The following MEGF6 variants were observed in gnomAD, a reference collection of about 807,000 sequenced individuals.
MEGF6 encodes multiple epidermal growth factor-like domains protein 6.
In MEGF6, 184 loss-of-function variants were observed where a neutral mutation model predicts 207.1. The observed-to-expected ratio is 0.89, with a 90% CI of 0.79 to 1.00. The LOEUF is 1.00. Among genes scored for constraint, MEGF6 ranks in the 50% least tolerant of loss-of-function variants. The pLI is 0.00. For synonymous variants in MEGF6, 1,038 were observed against 910.0 expected (o/e 1.14, Z -2.53); for missense variants, 2,282 against 2,202.9 (o/e 1.04, Z -0.72).
At chr1:3,577,307 G>T (rs1022011781) in intron 4 of MEGF6, among the ~76,000 whole-genome samples, 26 of 152,232 alleles carry the variant, frequency 1.7e-4, no homozygotes, top group African/African-American at 6.3e-4. Flanking sequence ...CTGCCCTGCA[G>T]GGGACCCTGC....
intron 4 of MEGF6, among the ~76,000 whole-genome samples, chr1:3,548,754 G>C (rs2101574186): frequency 6.6e-6 from 1 of 152,256 alleles, no homozygotes; most frequent in South Asian, 2.1e-4. Flanking sequence ...CCCAGGCCTG[G>C]AACACAGCTG....
At chr1:3,511,254 C>A (rs1641335187) in intron 9 of MEGF6, among the ~76,000 whole-genome samples, 1 of 152,202 alleles carries the variant, frequency 6.6e-6, no homozygotes, top group Non-Finnish European at 1.5e-5. Context: ...ACTTCCAGGA[C>A]ACTGGGTCCT....
chr1:3,503,835 C>T (rs1640999041), intron 17 of MEGF6, among the ~76,000 whole-genome samples: 1 of 152,014 alleles, frequency 6.6e-6, no homozygotes, highest in Non-Finnish European at 1.5e-5. Context: ...CTGATGAAGC[C>T]CTAGGGCTTG....
At chr1:3,618,667 A>T in the MEGF6 span, among the ~76,000 whole-genome samples, 1 of 152,124 alleles carries the variant, frequency 6.6e-6, no homozygotes, top group Non-Finnish European at 1.5e-5. This position sits in a 1 kb window ranked among gnomAD's most constrained non-coding sequence, Gnocchi z 4.7. Context: ...TGACTTGCCA[A>T]AGAGTAAGGG....
chr1:3,577,040 C>T (rs1028929441), intron 4 of MEGF6, among the ~76,000 whole-genome samples: 1 of 151,392 alleles, frequency 6.6e-6, no homozygotes, highest in Non-Finnish European at 1.5e-5. Context: ...CCCCTGCACA[C>T]CTGGCCCTGC....
At chr1:3,616,152 G>T (rs934592315), upstream of MEGF6, among the ~76,000 whole-genome samples, 1 of 152,132 alleles carries the variant, frequency 6.6e-6, no homozygotes, top group Non-Finnish European at 1.5e-5. Flanking sequence ...TCCGGTCCGC[G>T]GGCTGGCGGT....
At chr1:3,521,211 G>A (rs1427929579) in intron 5 of MEGF6, among the ~76,000 whole-genome samples, 1 of 152,186 alleles carries the variant, frequency 6.6e-6, no homozygotes, top group East Asian at 1.9e-4. Context: ...GCCCATGGGG[G>A]TGGGAGAGGC....
intron 4 of MEGF6, among the ~76,000 whole-genome samples, chr1:3,538,546 C>T (rs1447629061): frequency 1.3e-5 from 2 of 152,206 alleles, no homozygotes; most frequent in Non-Finnish European, 2.9e-5. Context: ...GCCCCCTTCT[C>T]TTGTACACAC....
rs752030669 is a variant in MEGF6 at position 3,560,645 on chromosome 1, T to C, written c.481+19180A>G. 9.1e-6 allele frequency: 4 copies of C among 439,250 alleles called. No individual in the cohort carries two copies. Among genetic ancestry groups the C allele is most frequent in the African/African-American group, 2.1e-5 (1 of 48,606 alleles). 27.2% of individuals were successfully genotyped at this position (439,250 alleles called of 1,614,324 possible). The stretch of plus-strand genomic sequence containing the variant: ...AAAGGCTCTGGGGATCCGGGGTCCC[T>C]TCCCAGGCTTGGGGGAGGCTGGGTG... On this transcript the variant is annotated intron_variant, in intron 4 of 36. Coordinates refer to ENST00000356575, the MANE Select transcript of MEGF6 (RefSeq NM_001409.4). This position sits in a 1 kb window ranked among gnomAD's most constrained non-coding sequence, Gnocchi z 4.0.
chr1:3,501,236 T>A lies in MEGF6; in HGVS notation c.2387A>T (p.Asp796Val), dbSNP rs770200584. The A allele has an allele frequency of 6.8e-5, 110 of 1,611,092 alleles. 1 individual carries two copies. Among genetic ancestry groups the A allele is most frequent in the Non-Finnish European group, 8.9e-5 (105 of 1,179,438 alleles). ...GCACAGGCAGGCTCCGGTCTCAGGG[T>A]CGCAGCGGGCAGCGTGCTGGCATGC... is the stretch of plus-strand genomic sequence containing the variant. ...CPACQHAARC[D>V]PETGACLCLP... Residue 796 changes from aspartate to valine, a missense_variant, in exon 19 of 37, where the codon GAC (aspartate) becomes GTC (valine). Physicochemically the swap from Asp to Val is radical, Grantham distance 152 (BLOSUM62 -3). Coordinates refer to ENST00000356575, the MANE Select transcript of MEGF6 (RefSeq NM_001409.4).
chr1:3,541,943 T>C (rs1642538868), intron 4 of MEGF6, among the ~76,000 whole-genome samples: 1 of 151,758 alleles, frequency 6.6e-6, no homozygotes, highest in Admixed American at 6.6e-5. Context: ...CCACAGACAC[T>C]CCGATGAAAA....
chr1:3,585,219 G>A (rs1381845498), intron 3 of MEGF6, among the ~76,000 whole-genome samples: 1 of 146,288 alleles, frequency 6.8e-6, no homozygotes, highest in Non-Finnish European at 1.5e-5. Flanking sequence ...GTATGAGTGA[G>A]GACACTTGTC....
At chr1:3,607,778 T>G (rs1194088639) in intron 1 of MEGF6, among the ~76,000 whole-genome samples, 2 of 152,224 alleles carry the variant, frequency 1.3e-5, no homozygotes, top group African/African-American at 4.8e-5. Flanking sequence ...AAAGTGGACC[T>G]GGTGCAGTCG....
At chr1:3,579,436 TC>T (rs537056734) in intron 4 of MEGF6, among the ~76,000 whole-genome samples, 9 of 152,200 alleles carry the variant, frequency 5.9e-5, no homozygotes, top group Middle Eastern at 3.4e-3. Flanking sequence ...CCCCCGGGTG[TC>T]CCCCATCTTT....
chr1:3,598,448 G>A lies in MEGF6; in HGVS notation c.267-3001C>T, dbSNP rs369431152. ...GCCCGGACAGAAACCGACCACCACG[G>A]CGAACAATATTTGGCAGAGCTGAGA... On this transcript the variant is annotated intron_variant, in intron 2 of 36. Transcript: ENST00000356575. 2.3e-4 allele frequency among the ~76,000 whole-genome samples: 35 copies of A among 152,346 alleles called. No homozygotes were observed. In the East Asian group the frequency reaches 3.9e-3, roughly 17 times the overall value.
At chr1:3,547,135 G>A (rs1341607451) in intron 4 of MEGF6, 1 of 152,996 alleles carries the variant, frequency 6.5e-6, no homozygotes, top group Non-Finnish European at 1.5e-5. Context: ...TGCGAGGGGA[G>A]AAGCAGGTGA....
chr1:3,610,429 T>C (rs1173073490), intron 1 of MEGF6, among the ~76,000 whole-genome samples: 3 of 152,194 alleles, frequency 2.0e-5, no homozygotes, highest in African/African-American at 4.8e-5. Flanking sequence ...CACCCACCCC[T>C]GCCAGCAAGG....
intron 4 of MEGF6, among the ~76,000 whole-genome samples, chr1:3,555,660 C>G (rs1643012903): frequency 6.6e-6 from 1 of 152,194 alleles, no homozygotes; most frequent in South Asian, 2.1e-4. Context: ...ACAGCAGGAG[C>G]CTGCAGGGCC....
At chr1:3,509,049 C>T in intron 12 of MEGF6, 26 bp downstream of exon 12, 1 of 1,510,088 alleles carries the variant, frequency 6.6e-7, no homozygotes, top group Non-Finnish European at 8.9e-7. Flanking sequence ...CGAGCAGGAG[C>T]CCCCGGGGGC....
Sources: allele counts gnomAD v4.1 joint callset (sites outside exome capture counted in the v4.1 genomes callset), GRCh38; gene constraint gnomAD v4.1.1; non-coding constraint Gnocchi (gnomAD v3.1); transcripts MANE v1.5; gene names NCBI Gene and HGNC (gene_info 2026-07-23, HGNC 2026-07-21).